METTL13: variants seen among roughly 807,000 people sequenced by gnomAD.
The protein encoded by METTL13 is methyltransferase 13, eEF1A N-terminus and K55, also known as eEF1A lysine and N-terminal methyltransferase.
METTL13 carries 52 observed loss-of-function variants against 67.4 expected under a neutral mutation model. The observed-to-expected ratio is 0.77, with a 90% CI of 0.62 to 0.97. The LOEUF is 0.97. Among genes scored for constraint, METTL13 ranks in the 50% least tolerant of loss-of-function variants. The pLI, the probability that METTL13 is intolerant of heterozygous loss-of-function variation, is 0.00. For synonymous variants in METTL13, 354 were observed against 353.6 expected (o/e 1.00, Z -0.01); for missense variants, 825 against 889.6 (o/e 0.93, Z 0.92).
chr1:171,793,765 A>G (rs1657279588), intron 6 of METTL13, among the ~76,000 whole-genome samples: 2 of 152,206 alleles, frequency 1.3e-5, no homozygotes, highest in South Asian at 4.1e-4. Flanking sequence ...GCTCTTGTTC[A>G]TGGAACTGCA....
chr1:171,784,633 G>A, intron 2 of METTL13, 134 bp downstream of exon 2: 1 of 1,179,524 alleles, frequency 8.5e-7, no homozygotes, highest in Non-Finnish European at 1.1e-6. Flanking sequence ...GCAGGGGTTT[G>A]TACTTCCAGA....
intron 7 of METTL13, 22 bp from the exon 8 acceptor site, chr1:171,796,460 G>T: frequency 6.2e-7 from 1 of 1,612,266 alleles, no homozygotes; most frequent in South Asian, 1.1e-5. Context: ...AGGTCATTCT[G>T]ACTTTTCTTC....
In METTL13 at chr1:171,781,925, G is replaced by A; in HGVS notation, c.-43G>A. 6.2e-7 allele frequency: 1 copy of A among 1,609,758 alleles called. No homozygotes were observed. Among genetic ancestry groups the A allele is most frequent in the Non-Finnish European group, 8.5e-7 (1 of 1,177,410 alleles). On this transcript the variant is annotated 5_prime_UTR_variant, in exon 1 of 8. Coordinates refer to ENST00000361735, the MANE Select transcript of METTL13 (RefSeq NM_015935.5). Reference sequence around the variant, plus strand: ...CAAGCTCCTCAAATGGTATCTCACAGGGAATAGGGGAGTCTTGAAAACGCA... The same window carrying A: ...CAAGCTCCTCAAATGGTATCTCACAAGGAATAGGGGAGTCTTGAAAACGCA...
chr1:171,787,336 A>G (rs556549634), intron 3 of METTL13, among the ~76,000 whole-genome samples: 2 of 152,150 alleles, frequency 1.3e-5, no homozygotes, highest in Non-Finnish European at 1.5e-5. Context: ...TGTTTCTCCC[A>G]TGGATTTTGT....
chr1:171,781,903 G>A lies in METTL13; in HGVS notation c.-65G>A, dbSNP rs548395683. On this transcript the variant is annotated 5_prime_UTR_variant, in exon 1 of 8. Coordinates refer to ENST00000361735, the MANE Select transcript of METTL13 (RefSeq NM_015935.5). ...CCCGGAGCCTGCGTGTGGTGGGCAA[G>A]CTCCTCAAATGGTATCTCACAGGGA... 2 of 1,589,680 alleles carry A rather than the reference G, an allele frequency of 1.3e-6. No individual in the cohort carries two copies. The highest frequency in any genetic ancestry group is 2.2e-5 in the East Asian group (1 of 44,580).
rs1656824618 is a variant in METTL13, at chr1:171,781,745, G to C, written c.-223G>C. ...GTGGGGAAGGAACAGCAGGCGCGGA[G>C]GAGGGGGCAAGCGTGTGTGAGATTC... On this transcript the variant is annotated 5_prime_UTR_variant, in exon 1 of 8. Coordinates refer to ENST00000361735, the MANE Select transcript of METTL13 (RefSeq NM_015935.5). The C allele has an allele frequency of 7.4e-7, 1 of 1,345,920 alleles. No homozygotes were observed. The highest frequency in any genetic ancestry group is 1.5e-5 in the African/African-American group (1 of 67,532). The allele number at this position is 1,345,920 out of a possible 1,614,324, so 83.4% of individuals were successfully genotyped here.
rs1345561277 is a variant in METTL13, at chr1:171,782,067, A to G, written c.100A>G (p.Thr34Ala). 1.9e-6 allele frequency: 3 copies of G among 1,614,040 alleles called. No individual in the cohort carries two copies. Among genetic ancestry groups the G allele is most frequent in the East Asian group, 4.5e-5 (2 of 44,858 alleles). Reference protein sequence around the residue: ...RGKKAFEWYGTYLELCGVLHK... With the variant: ...RGKKAFEWYGAYLELCGVLHK... The stretch of plus-strand genomic sequence containing the variant: ...AAAGAAAGCTTTCGAGTGGTATGGA[A>G]CCTACCTGGAACTGTGCGGGGTGCT... The change falls in exon 1 of 8, where the codon ACC becomes GCC. Residue 34 changes from threonine to alanine, a missense_variant. Coordinates refer to ENST00000361735, the MANE Select transcript of METTL13 (RefSeq NM_015935.5).
chr1:171,787,312 A>G (rs1042927160), intron 3 of METTL13, among the ~76,000 whole-genome samples: 1 of 152,206 alleles, frequency 6.6e-6, no homozygotes, highest in African/African-American at 2.4e-5. Context: ...ATATCTCTCT[A>G]GATTTGGAGT....
Position 171,787,892 on chromosome 1 carries a change from A to G in METTL13, c.1271A>G (p.Gln424Arg), listed in dbSNP as rs1657077283. The G allele has an allele frequency of 6.2e-7, 1 of 1,614,024 alleles. No individual in the cohort carries two copies. Among genetic ancestry groups the G allele is most frequent in the Non-Finnish European group, 8.5e-7 (1 of 1,179,984 alleles). Reference protein sequence around the residue: ...LIFLSNRNVVQSEARLLKDVS... With the variant: ...LIFLSNRNVVRSEARLLKDVS... Reference sequence around the variant, plus strand: ...TTCCTCAGCAACAGGAATGTGGTGCAGTCCGAAGCCAGGTTGCTGAAGGAT... The same window carrying G: ...TTCCTCAGCAACAGGAATGTGGTGCGGTCCGAAGCCAGGTTGCTGAAGGAT... Residue 424 changes from glutamine (Q) to arginine (R), a missense_variant, in exon 4 of 8, where the codon CAG becomes CGG. By Grantham distance (43) the Gln-to-Arg change is conservative. Coordinates refer to ENST00000361735, the MANE Select transcript of METTL13 (RefSeq NM_015935.5).
Position 171,797,007 on chromosome 1 carries a change from G to A in METTL13, c.*251G>A. 1 of 481,596 alleles carries A rather than the reference G, an allele frequency of 2.1e-6. No homozygotes were observed. Among genetic ancestry groups the A allele is most frequent in the South Asian group, 2.1e-5 (1 of 46,572 alleles). The allele number at this position is 481,596 out of a possible 1,614,324, so 29.8% of individuals were successfully genotyped here. A position where few individuals can be genotyped will look rare whatever the true frequency, so the allele number is the denominator to read the frequency against. On this transcript the variant is annotated 3_prime_UTR_variant, in exon 8 of 8. Coordinates refer to ENST00000361735, the MANE Select transcript of METTL13 (RefSeq NM_015935.5). The stretch of plus-strand genomic sequence containing the variant: ...GCTTCCTACACCACGTCCTTGAGTG[G>A]AGTTCCCTGCTGAAGCCCCTAGCAC...
chr1:171,794,279 C>T, intron 6 of METTL13, 117 bp from the exon 7 acceptor site: 1 of 1,446,450 alleles, frequency 6.9e-7, no homozygotes, highest in Non-Finnish European at 9.5e-7. Flanking sequence ...TCCTCTGTGT[C>T]ATCCTTCTAA....
At chr1:171,796,186 A>G (rs778922029) in intron 7 of METTL13, among the ~76,000 whole-genome samples, 18 of 152,060 alleles carry the variant, frequency 1.2e-4, no homozygotes, top group Non-Finnish European at 2.5e-4. Flanking sequence ...TTCTTTCTCA[A>G]AGCTATTCTT....
In METTL13 at chr1:171,785,743, T is replaced by C; in HGVS notation, c.914-136T>C. The stretch of plus-strand genomic sequence containing the variant: ...GCCCTAGATGTTGTGAACTAGAGAA[T>C]TGTTAGCTCCTCAGTGGGTCACAGT... On this transcript the variant is annotated intron_variant, in intron 2 of 7. Coordinates refer to ENST00000361735, the MANE Select transcript of METTL13 (RefSeq NM_015935.5). 3 of 851,866 alleles carry C rather than the reference T, an allele frequency of 3.5e-6. No individual in the cohort carries two copies. In the South Asian group the frequency reaches 5.0e-5, roughly 14 times the overall value. 52.8% of individuals were successfully genotyped at this position (851,866 alleles called of 1,614,324 possible).
At chr1:171,794,200 G>A (rs1252936459) in intron 6 of METTL13, among the ~76,000 whole-genome samples, 196 bp from the exon 7 acceptor site, 3 of 152,194 alleles carry the variant, frequency 2.0e-5, no homozygotes, top group African/African-American at 7.2e-5. Flanking sequence ...TTTACTATGG[G>A]ACACTCTGAA....
chr1:171,789,776 T>C (rs1300080627), intron 4 of METTL13, among the ~76,000 whole-genome samples: 1 of 151,782 alleles, frequency 6.6e-6, no homozygotes, highest in African/African-American at 2.4e-5. Context: ...GCATTTGCCA[T>C]TTCCTTTTCC....
rs1370166349 is a variant in METTL13 at position 171,794,415 on chromosome 1, C to G, written c.1713C>G (p.Val571=). 1.1e-5 allele frequency: 18 copies of G among 1,614,074 alleles called. No individual in the cohort carries two copies. Among genetic ancestry groups the G allele is most frequent in the Non-Finnish European group, 1.4e-5 (17 of 1,180,038 alleles). ...TCCCAGCACGGCCTTGCTACGATGT[C>G]ATAATGTTTGATGTTGACAGTAAGG... ...GGGEARPCYD[V]IMFDVDSKDP... Residue 571 remains valine, a synonymous_variant, in exon 7 of 8, where the codon GTC becomes GTG. Coordinates refer to ENST00000361735, the MANE Select transcript of METTL13 (RefSeq NM_015935.5).
At chr1:171,783,478 T>C (rs1470222664) in intron 1 of METTL13, among the ~76,000 whole-genome samples, 1 of 152,234 alleles carries the variant, frequency 6.6e-6, no homozygotes, top group African/African-American at 2.4e-5. Flanking sequence ...AAAGAACAGT[T>C]ATGATTAATT....
intron 5 of METTL13, among the ~76,000 whole-genome samples, chr1:171,791,461 C>T (rs1401304471): frequency 6.6e-6 from 1 of 152,116 alleles, no homozygotes; most frequent in Non-Finnish European, 1.5e-5. Flanking sequence ...TAGAGAGGGT[C>T]TAATAATTCT....
At chr1:171,790,910 A>C (rs1313198445) in intron 5 of METTL13, 1 of 233,580 alleles carries the variant, frequency 4.3e-6, no homozygotes, top group Non-Finnish European at 8.2e-6. Flanking sequence ...AAAAATACAC[A>C]GATTTTAATT....
Sources: gnomAD v4.1 joint callset for allele counts (sites outside exome capture counted in the v4.1 genomes callset) on GRCh38, gnomAD v4.1.1 for gene constraint, MANE v1.5 for transcripts, NCBI Gene and HGNC (gene_info 2026-07-23, HGNC 2026-07-21) for gene names.